Variants in ROBO1 observed in about 807,000 individuals in gnomAD.
ROBO1 encodes roundabout guidance receptor 1, also known as roundabout homolog 1.
In ROBO1, 149 loss-of-function variants were observed where a neutral mutation model predicts 195.9. The ratio of observed to expected loss-of-function variants is 0.76; its 90% CI spans 0.67 to 0.87. The LOEUF is 0.87. ROBO1 is among the 40% of genes least tolerant of loss of function. The pLI, the probability that ROBO1 is intolerant of heterozygous loss-of-function variation, is 0.00. For missense variants in ROBO1, 1,933 were observed against 2,068.3 expected (o/e 0.93, Z 1.27); for synonymous variants, 816 against 733.2 (o/e 1.11, Z -1.82).
At chr3:79,310,661 A>G (rs1385802585) in intron 2 of ROBO1, among the ~76,000 whole-genome samples, 1 of 152,208 alleles carries the variant, frequency 6.6e-6, no homozygotes, top group Non-Finnish European at 1.5e-5. Context: ...TAGATGTTTG[A>G]GTTGATGTAT....
chr3:79,126,052 A>G (rs1438892694), intron 2 of ROBO1, among the ~76,000 whole-genome samples: 1 of 152,176 alleles, frequency 6.6e-6, no homozygotes. Context: ...AATAAGAGGG[A>G]GGATGATAAA....
chr3:79,062,083 A>G (rs577396260), intron 3 of ROBO1, among the ~76,000 whole-genome samples: 1 of 152,222 alleles, frequency 6.6e-6, no homozygotes, highest in South Asian at 2.1e-4. Context: ...ATGGGAAAAA[A>G]TTTTTGCAAT....
intron 2 of ROBO1, among the ~76,000 whole-genome samples, chr3:79,299,809 A>G (rs2032803165): frequency 6.6e-6 from 1 of 152,008 alleles, no homozygotes; most frequent in South Asian, 2.1e-4. Flanking sequence ...AAGGAATGAA[A>G]ATGAAAAGTT....
At chr3:79,138,845 AG>A (rs1405504773) in intron 2 of ROBO1, among the ~76,000 whole-genome samples, 1 of 151,944 alleles carries the variant, frequency 6.6e-6, no homozygotes, top group African/African-American at 2.4e-5. Flanking sequence ...CATAAATATA[AG>A]TATAGATATA....
At chr3:79,164,846 T>C (rs1214713143) in intron 2 of ROBO1, among the ~76,000 whole-genome samples, 1 of 152,204 alleles carries the variant, frequency 6.6e-6, no homozygotes, top group Non-Finnish European at 1.5e-5. Context: ...TAGTCTTAGC[T>C]AGAAGCACTT....
chr3:79,283,331 C>T (rs1351859475), intron 2 of ROBO1, among the ~76,000 whole-genome samples: 5 of 152,116 alleles, frequency 3.3e-5, no homozygotes, highest in East Asian at 1.9e-4. Context: ...ATGCAATATA[C>T]CCAGGTAACA....
intron 4 of ROBO1, among the ~76,000 whole-genome samples, chr3:78,858,427 C>A (rs1355393700): frequency 2.0e-5 from 3 of 151,814 alleles, no homozygotes; most frequent in Non-Finnish European, 4.4e-5. Flanking sequence ...AGCTGCAGAT[C>A]CTTAGAAAGT....
chr3:79,596,244 A>G (rs1944165912), intron 1 of ROBO1, among the ~76,000 whole-genome samples: 1 of 152,086 alleles, frequency 6.6e-6, no homozygotes, highest in African/African-American at 2.4e-5. Context: ...ATCTATGGAG[A>G]GCTCTGTGCC....
At chr3:78,631,064 A>T in intron 25 of ROBO1, 97 bp downstream of exon 25, 1 of 1,267,034 alleles carries the variant, frequency 7.9e-7, no homozygotes, top group Non-Finnish European at 1.1e-6. Context: ...GGACCTTAGG[A>T]ATCAGTCTTC....
At chr3:78,712,868 C>T (rs1347509899) in intron 8 of ROBO1, among the ~76,000 whole-genome samples, 1 of 152,150 alleles carries the variant, frequency 6.6e-6, no homozygotes, top group Non-Finnish European at 1.5e-5. Flanking sequence ...GTTATAAAAG[C>T]ATCAGGCTAC....
intron 1 of ROBO1, among the ~76,000 whole-genome samples, chr3:79,763,402 T>C (rs980894632): frequency 2.0e-5 from 3 of 152,200 alleles, no homozygotes; most frequent in Non-Finnish European, 2.9e-5. Context: ...ACAGCAGATG[T>C]TATTGGAAAT....
intron 1 of ROBO1, among the ~76,000 whole-genome samples, chr3:79,655,849 T>A (rs1284840298): frequency 6.6e-6 from 1 of 152,066 alleles, no homozygotes; most frequent in African/African-American, 2.4e-5. Flanking sequence ...AGTTGTCCTT[T>A]CAGCTGTTAA....
At chr3:79,385,417 A>G (rs1456663094) in intron 2 of ROBO1, among the ~76,000 whole-genome samples, 4 of 152,124 alleles carry the variant, frequency 2.6e-5, no homozygotes, top group African/African-American at 9.7e-5. Context: ...TATGTTGGTG[A>G]AGATAAACTC....
At chr3:78,823,188 GATTT>G (rs1335935703) in intron 4 of ROBO1, among the ~76,000 whole-genome samples, 1 of 45,692 alleles carries the variant, frequency 2.2e-5, no homozygotes, top group African/African-American at 1.0e-4. Context: ...GATTTAAAAT[GATTT>G]TTTTTTTTTT....
At chr3:79,518,253 C>T (rs979563961) in intron 2 of ROBO1, among the ~76,000 whole-genome samples, 1 of 151,636 alleles carries the variant, frequency 6.6e-6, no homozygotes, top group African/African-American at 2.4e-5. Context: ...TGAGTAGATA[C>T]TCAGATTTGG....
intron 1 of ROBO1, among the ~76,000 whole-genome samples, chr3:79,644,599 A>T (rs1945763196): frequency 6.6e-6 from 1 of 152,126 alleles, no homozygotes; most frequent in Non-Finnish European, 1.5e-5. Context: ...CAGCACAGGA[A>T]AGCCTTGCCC....
chr3:78,947,817 A>G (rs948223780), intron 3 of ROBO1, among the ~76,000 whole-genome samples: 3 of 152,056 alleles, frequency 2.0e-5, no homozygotes, highest in African/African-American at 7.2e-5. Flanking sequence ...TCAAATAGAC[A>G]CAATAAAAAA....
chr3:78,879,709 C>A (rs2036070713), intron 4 of ROBO1, among the ~76,000 whole-genome samples: 1 of 151,924 alleles, frequency 6.6e-6, no homozygotes, highest in Admixed American at 6.6e-5. Context: ...TGACTCCTAG[C>A]GTTAACTAAC....
chr3:79,608,076 ATAAACATGTTGTCAAGTAT>A (rs146566068), intron 1 of ROBO1, among the ~76,000 whole-genome samples: 1 of 152,186 alleles, frequency 6.6e-6, no homozygotes, highest in Non-Finnish European at 1.5e-5. Flanking sequence ...ATGAAAATAA[ATAAACATGTTGTCAAGTAT>A]AGACAGTCCT....
Sources: gnomAD v4.1 joint callset for allele counts (sites outside exome capture counted in the v4.1 genomes callset) on GRCh38, gnomAD v4.1.1 for gene constraint, MANE v1.5 for transcripts, NCBI Gene and HGNC (gene_info 2026-07-23, HGNC 2026-07-21) for gene names.